CFAP74: variants seen among roughly 807,000 people sequenced by gnomAD.
CFAP74 encodes the protein cilia and flagella associated protein 74.
In CFAP74, 124 loss-of-function variants were observed where a neutral mutation model predicts 188.9. The observed-to-expected ratio is 0.66, with a 90% CI of 0.57 to 0.76. CFAP74 has a LOEUF of 0.76. Among genes scored for constraint, CFAP74 ranks in the 30% least tolerant of loss-of-function variants. The pLI, the probability that CFAP74 is intolerant of heterozygous loss-of-function variation, is 0.00. For synonymous variants in CFAP74, 956 were observed against 916.7 expected (o/e 1.04, Z -0.77); for missense variants, 2,198 against 2,165.2 (o/e 1.02, Z -0.30).
Position 1,960,161 on chromosome 1 carries a change from C to T in CFAP74, c.1695-131G>A, listed in dbSNP as rs117348255. On this transcript the variant is annotated intron_variant, in intron 14 of 38. Transcript: ENST00000682832. The stretch of plus-strand genomic sequence containing the variant: ...TCCCGGGCCTGGCCCCCTGCCCAGC[C>T]GCCTTCACCCCGGGGAGTGCTGGAT... The T allele has an allele frequency of 1.9e-3, 1,433 of 735,046 alleles. 20 individuals carry two copies. The East Asian group carries it at 0.027, about 14-fold the overall frequency. The allele number at this position is 735,046 out of a possible 1,614,324, so 45.5% of individuals were successfully genotyped here.
chr1:1,991,840 C>G (rs528465858), intron 1 of CFAP74, among the ~76,000 whole-genome samples: 5 of 151,906 alleles, frequency 3.3e-5, no homozygotes, highest in Admixed American at 6.6e-5. Context: ...GAGATCGAGA[C>G]TATCCTGGCT....
intron 25 of CFAP74, among the ~76,000 whole-genome samples, chr1:1,938,035 C>A (rs182162340): frequency 7.9e-5 from 11 of 138,370 alleles, no homozygotes; most frequent in African/African-American, 2.7e-4. Context: ...GTCACATGCT[C>A]ACACATACAT....
Position 1,972,405 on chromosome 1 carries a change from G to C in CFAP74, c.786-323C>G, listed in dbSNP as rs993820844. Among the ~76,000 whole-genome samples the C allele has an allele frequency of 2.6e-5, 4 of 152,402 alleles. No individual in the cohort carries two copies. The East Asian group carries it at 7.7e-4, about 29-fold the overall frequency. On this transcript the variant is annotated intron_variant, in intron 8 of 38. Transcript: ENST00000682832. ...GCAGAGGCCGGGCCATGACGACATG[G>C]TGGGAACATGCCCTGGAGGGCCAGG... is the stretch of plus-strand genomic sequence containing the variant.
intron 12 of CFAP74, 89 bp downstream of exon 12, chr1:1,966,282 G>A (rs990931732): frequency 6.4e-6 from 8 of 1,248,060 alleles, no homozygotes; most frequent in African/African-American, 1.5e-5. Flanking sequence ...AGAGCAGCTG[G>A]TGTGGCCGGG....
chr1:1,957,835 A>C (rs1025810032), intron 16 of CFAP74, among the ~76,000 whole-genome samples: 2 of 151,896 alleles, frequency 1.3e-5, no homozygotes, highest in African/African-American at 4.8e-5. Context: ...GTCTTGGCTC[A>C]CCAAGAGCCC....
rs781473349 is a variant in CFAP74, at chr1:1,955,719, G to A, written c.2148C>T (p.Asp716=). 3 of 1,613,890 alleles carry A rather than the reference G, an allele frequency of 1.9e-6. No individual in the cohort carries two copies. The highest frequency in any genetic ancestry group is 2.5e-6 in the Non-Finnish European group (3 of 1,179,950). The change falls in exon 18 of 39, where the codon GAC becomes GAT. Residue 716 remains aspartate (D), a synonymous_variant. Coordinates refer to ENST00000682832, the MANE Select transcript of CFAP74 (RefSeq NM_001304360.2). ...MQSRKELEKL[D]KEQEEEQPAE... Reference sequence around the variant, plus strand: ...CGGGCTGCTCCTCCTCCTGCTCCTTGTCCAGCTTCTCCAGCTCCTTCCGGC... The same window carrying A: ...CGGGCTGCTCCTCCTCCTGCTCCTTATCCAGCTTCTCCAGCTCCTTCCGGC...
chr1:1,945,898 ATGTG>A (rs1332832940), intron 20 of CFAP74, among the ~76,000 whole-genome samples: 1 of 142,764 alleles, frequency 7.0e-6, no homozygotes, highest in South Asian at 2.3e-4. Context: ...GCGTGTGTGC[ATGTG>A]TGTGCATGTG....
rs776969724 is a variant in CFAP74 at position 1,988,960 on chromosome 1, T to G, written c.81A>C (p.Leu27Phe). ...ALLLEDERDE[L>F]EDPEFDIKCL... is the part of the protein sequence containing the mutation. ...ATTTGATGTCAAACTCCGGATCCTC[T>G]AATTCATCTCTTTCTAGAAATCAAG... The change falls in exon 3 of 39, where the codon TTA (leucine) becomes TTC (phenylalanine). Residue 27 changes from leucine (L) to phenylalanine (F), a missense_variant. By Grantham distance (22) the Leu-to-Phe change is conservative. Transcript: ENST00000682832. The G allele has an allele frequency of 1.9e-6, 3 of 1,541,212 alleles. No homozygotes were observed. The African/African-American group carries it at 4.1e-5, about 21-fold the overall frequency.
In CFAP74 at chr1:1,968,864, A is replaced by G. The variant is rs1209922245; in HGVS notation, c.1047-31T>C. The G allele has an allele frequency of 2.5e-6, 4 of 1,606,728 alleles. No homozygotes were observed. The highest frequency in any genetic ancestry group is 3.4e-6 in the Non-Finnish European group (4 of 1,175,516). Reference sequence around the variant, plus strand: ...TGGAGTCGCTTCTCAGATGAGTGCAAGAGGTCCCCTGCCTCCACCTTGCCC... The same window carrying G: ...TGGAGTCGCTTCTCAGATGAGTGCAGGAGGTCCCCTGCCTCCACCTTGCCC... On this transcript the variant is annotated intron_variant, in intron 10 of 38. Transcript: ENST00000682832. The surrounding 1 kb of genome is among the most constrained non-coding windows in gnomAD (Gnocchi z 4.3).
intron 1 of CFAP74, among the ~76,000 whole-genome samples, chr1:1,992,561 C>T (rs1657649330): frequency 6.6e-6 from 1 of 151,800 alleles, no homozygotes; most frequent in Admixed American, 6.6e-5. Context: ...GCAAGCTCTG[C>T]CTCCTGGGTT....
intron 26 of CFAP74, 67 bp from the exon 27 acceptor site, chr1:1,928,949 C>T (rs1000719726): frequency 3.6e-6 from 4 of 1,096,490 alleles, no homozygotes; most frequent in Admixed American, 2.1e-5. Context: ...CCCCTGCGGG[C>T]ACTCTACCGT....
intron 10 of CFAP74, among the ~76,000 whole-genome samples, chr1:1,970,250 G>A (rs1207135970): frequency 1.3e-5 from 2 of 152,256 alleles, no homozygotes; most frequent in African/African-American, 4.8e-5. Flanking sequence ...CCCTGGACAG[G>A]GAGTGAGCAA....
intron 18 of CFAP74, chr1:1,954,555 G>C (rs2102059384): frequency 6.2e-6 from 1 of 160,366 alleles, no homozygotes; most frequent in African/African-American, 2.4e-5. Context: ...GGCTGAGGTG[G>C]GCAGACAGCC....
Position 1,991,909 on chromosome 1 carries a change from A to G in CFAP74, c.-19-934T>C, listed in dbSNP as rs575625935. Among the ~76,000 whole-genome samples the G allele has an allele frequency of 3.1e-3, 467 of 151,254 alleles. 2 individuals carry two copies. The highest frequency in any genetic ancestry group is 9.0e-3 in the African/African-American group (373 of 41,306). On this transcript the variant is annotated intron_variant, in intron 1 of 38. Transcript: ENST00000682832. Reference sequence around the variant, plus strand: ...GAAAAAATTAGCCGGGCATGGTGGCAGGCGCCTGCGGTCCCAGCTACTCGG... The same window carrying G: ...GAAAAAATTAGCCGGGCATGGTGGCGGGCGCCTGCGGTCCCAGCTACTCGG...
rs1651692440 is a variant in CFAP74, at chr1:1,924,480, T to C, written c.4145A>G (p.His1382Arg). 1.3e-6 allele frequency: 2 copies of C among 1,589,020 alleles called. No homozygotes were observed. Among genetic ancestry groups the C allele is most frequent in the South Asian group, 2.2e-5 (2 of 89,508 alleles). Reference sequence around the variant, plus strand: ...CCGGGTGCTGGAGAGGCTGTCCAGGTGCATGGAGAACTTGATGGGGAGCAG... The same window carrying C: ...CCGGGTGCTGGAGAGGCTGTCCAGGCGCATGGAGAACTTGATGGGGAGCAG... ...NSLLPIKFSM[H>R]LDSLSSTRGR... Residue 1382 changes from histidine (H) to arginine (R), a missense_variant, in exon 34 of 39, where the codon CAC (histidine) becomes CGC (arginine). Physicochemically the swap from His to Arg is conservative, Grantham distance 29. Coordinates refer to ENST00000682832, the MANE Select transcript of CFAP74 (RefSeq NM_001304360.2).
At chr1:1,963,666 C>A in intron 14 of CFAP74, 83 bp downstream of exon 14, 1 of 851,580 alleles carries the variant, frequency 1.2e-6, no homozygotes, top group Non-Finnish European at 1.9e-6. Context: ...AGAGCCTGTT[C>A]CAGCCGTTCT....
At chr1:1,978,797 T>C (rs28651716) in intron 6 of CFAP74, among the ~76,000 whole-genome samples, 46,387 of 152,130 alleles carry the variant, frequency 0.3, 7,334 homozygotes, top group Non-Finnish European at 0.34. Context: ...AGCGATGGGA[T>C]ACGGGTGCAG....
intron 18 of CFAP74, chr1:1,954,698 G>T: frequency 3.5e-6 from 2 of 577,612 alleles, no homozygotes; most frequent in Non-Finnish European, 4.5e-6. Flanking sequence ...CAGGAGGATT[G>T]CTTGAGCCCG....
chr1:1,959,054 G>C, intron 16 of CFAP74, 66 bp downstream of exon 16: 3 of 1,079,968 alleles, frequency 2.8e-6, no homozygotes, highest in African/African-American at 1.6e-5. Flanking sequence ...AGGAGATGCC[G>C]TCCCCCACTG....
Sources: allele counts gnomAD v4.1 joint callset (sites outside exome capture counted in the v4.1 genomes callset), GRCh38; gene constraint gnomAD v4.1.1; non-coding constraint Gnocchi (gnomAD v3.1); transcripts MANE v1.5; gene names NCBI Gene and HGNC (gene_info 2026-07-23, HGNC 2026-07-21).